Variants in RPA3 observed in about 807,000 individuals in gnomAD.
RPA3 encodes replication protein A 14 kDa subunit.
RPA3 carries 24 observed loss-of-function variants against 13.7 expected under a neutral mutation model. The observed-to-expected ratio is 1.75, with a 90% confidence interval of 1.27 to 2.46. The LOEUF (loss-of-function observed/expected upper bound fraction) is 2.46. RPA3 is among the 30% of genes most tolerant of loss of function. RPA3 has a pLI of 0.00. For missense variants in RPA3, 183 were observed against 151.0 expected, an observed-to-expected ratio of 1.21 and a Z score of -1.11; for synonymous variants, 59 against 51.2, an observed-to-expected ratio of 1.15 and a Z score of -0.65.
chr7:7,641,350 C>T (rs149348069), intron 4 of RPA3, among the ~76,000 whole-genome samples, 175 bp from the exon 5 acceptor site: 3 of 152,154 alleles, frequency 2.0e-5, no homozygotes, highest in African/African-American at 7.2e-5. Flanking sequence ...GGGAGACAAG[C>T]TTAAATCGTT....
At chr7:7,670,877 C>T (rs535443152) in intron 4 of RPA3, among the ~76,000 whole-genome samples, 1 of 152,324 alleles carries the variant, frequency 6.6e-6, no homozygotes, top group East Asian at 1.9e-4. Context: ...GGACCCCTAT[C>T]TTGGGCCCAA....
In RPA3 at chr7:7,678,515, GATAA is replaced by G. The variant is rs947447348; in HGVS notation, c.-758+7311_-758+7314del. Reference sequence around the variant, plus strand: ...AATATATATTTATATATTTAATATAGATAAATATATTTATATACTTAATTTATAG... The same window carrying G: ...AATATATATTTATATATTTAATATAGATATATTTATATACTTAATTTATAG... On this transcript the variant is annotated intron_variant, in intron 4 of 7. Transcript: ENST00000223129. 9.9e-5 allele frequency among the ~76,000 whole-genome samples: 12 copies of G among 121,496 alleles called. No homozygotes were observed. In the East Asian group the frequency reaches 2.8e-3, roughly 29 times the overall value. 79.7% of individuals were successfully genotyped at this position (121,496 alleles called of 152,430 possible).
intron 2 of RPA3, among the ~76,000 whole-genome samples, chr7:7,700,898 C>A (rs1000098337): frequency 1.5e-4 from 23 of 151,270 alleles, no homozygotes; most frequent in African/African-American, 5.6e-4. Flanking sequence ...TAAAAAAAAA[C>A]AAAATGCCAG....
At chr7:7,668,654 T>G (rs1779529975) in intron 4 of RPA3, among the ~76,000 whole-genome samples, 1 of 152,230 alleles carries the variant, frequency 6.6e-6, no homozygotes, top group Non-Finnish European at 1.5e-5. Flanking sequence ...AGTTCATTTC[T>G]TATGGCATAT....
chr7:7,672,616 A>T (rs1308377857), intron 4 of RPA3, among the ~76,000 whole-genome samples: 2 of 152,170 alleles, frequency 1.3e-5, no homozygotes, highest in African/African-American at 2.4e-5. Context: ...GTGAGTTCTC[A>T]TGAGATCTGA....
At chr7:7,712,304 G>A (rs563108472) in intron 2 of RPA3, among the ~76,000 whole-genome samples, 105 of 152,166 alleles carry the variant, frequency 6.9e-4, no homozygotes, top group African/African-American at 2.5e-3. Context: ...TAATTTAGGG[G>A]AGAATTGCTA....
At chr7:7,673,711 C>CTTTT (rs1303262041) in intron 4 of RPA3, among the ~76,000 whole-genome samples, 1 of 88,434 alleles carries the variant, frequency 1.1e-5, no homozygotes. Flanking sequence ...TTTTCCCCCC[C>CTTTT]TTTTTTTTTT....
At chr7:7,688,400 C>T (rs1046648293) in intron 2 of RPA3, among the ~76,000 whole-genome samples, 2 of 152,104 alleles carry the variant, frequency 1.3e-5, no homozygotes, top group Non-Finnish European at 2.9e-5. Flanking sequence ...GGAAAACTTA[C>T]TTATAATTAG....
intron 6 of RPA3, chr7:7,638,784 T>C (rs368550683): frequency 3.7e-6 from 1 of 272,942 alleles, no homozygotes. Context: ...AAAAGCAACG[T>C]AAATTTTTCT....
intron 4 of RPA3, among the ~76,000 whole-genome samples, chr7:7,668,523 A>T (rs1476981131): frequency 1.3e-5 from 2 of 152,208 alleles, no homozygotes; most frequent in Admixed American, 6.5e-5. Context: ...AAACTTTATC[A>T]TAGATGTGTA....
At chr7:7,700,661 G>A (rs1424865392) in intron 2 of RPA3, among the ~76,000 whole-genome samples, 1 of 152,234 alleles carries the variant, frequency 6.6e-6, no homozygotes, top group Non-Finnish European at 1.5e-5. Context: ...GCCTAGGTGA[G>A]CAGATCACCC....
chr7:7,665,691 C>A (rs550517009), intron 4 of RPA3, among the ~76,000 whole-genome samples: 1 of 152,318 alleles, frequency 6.6e-6, no homozygotes, highest in South Asian at 2.1e-4. Context: ...TTTGTTCCCT[C>A]TGTGTTCCTC....
At chr7:7,654,952 AT>A (rs369021323) in intron 4 of RPA3, among the ~76,000 whole-genome samples, 72 of 150,558 alleles carry the variant, frequency 4.8e-4, no homozygotes, top group African/African-American at 1.7e-3. Context: ...ACTGTTTTTT[AT>A]TTTTTTGACT....
chr7:7,709,450 C>T (rs1318161879), intron 2 of RPA3, among the ~76,000 whole-genome samples: 9 of 152,262 alleles, frequency 5.9e-5, no homozygotes, highest in Non-Finnish European at 1.3e-4. Flanking sequence ...CATTGCCACC[C>T]GAGGAGGGCA....
chr7:7,673,058 G>C (rs1172636457), intron 4 of RPA3, among the ~76,000 whole-genome samples: 1 of 152,108 alleles, frequency 6.6e-6, no homozygotes, highest in Non-Finnish European at 1.5e-5. Context: ...GGGATTTCCT[G>C]GGTTATTTTC....
intron 1 of RPA3, among the ~76,000 whole-genome samples, chr7:7,717,355 C>G (rs150931695): frequency 6.6e-6 from 1 of 152,182 alleles, no homozygotes; most frequent in Non-Finnish European, 1.5e-5. Flanking sequence ...CCTCGCCCAG[C>G]CTCCTGTTTC....
chr7:7,654,133 G>A (rs1421230824), intron 4 of RPA3, among the ~76,000 whole-genome samples: 1 of 152,140 alleles, frequency 6.6e-6, no homozygotes, highest in Non-Finnish European at 1.5e-5. Context: ...GGACCATAGG[G>A]CATTCAATTA....
intron 4 of RPA3, among the ~76,000 whole-genome samples, chr7:7,681,951 A>G (rs1779923241): frequency 6.6e-6 from 1 of 152,216 alleles, no homozygotes; most frequent in Non-Finnish European, 1.5e-5. Flanking sequence ...AAAGAAGGAA[A>G]AATAACAACA....
intron 4 of RPA3, among the ~76,000 whole-genome samples, chr7:7,665,391 A>G (rs780624172): frequency 3.3e-5 from 5 of 152,220 alleles, no homozygotes; most frequent in Non-Finnish European, 7.3e-5. Context: ...CATGCAGAAA[A>G]GAAACATTTT....
Sources: allele counts gnomAD v4.1 joint callset (sites outside exome capture counted in the v4.1 genomes callset), GRCh38; gene constraint gnomAD v4.1.1; transcripts MANE v1.5; gene names NCBI Gene and HGNC (gene_info 2026-07-23, HGNC 2026-07-21).